The following LRRC4C variants were observed in gnomAD, a reference collection of about 807,000 sequenced individuals.
LRRC4C encodes leucine rich repeat containing 4C.
Under a neutral mutation model 33.6 loss-of-function variants are expected in LRRC4C, and 5 were observed. That is an observed-to-expected ratio of 0.15 (90% CI 0.08 to 0.31). LRRC4C has a LOEUF of 0.31. Among genes scored for constraint, LRRC4C ranks in the 10% least tolerant of loss-of-function variants. The pLI is 1.00. For synonymous variants in LRRC4C, 329 were observed against 302.0 expected (o/e 1.09, Z -0.93); for missense variants, 560 against 796.7 (o/e 0.70, Z 3.58).
intron 1 of LRRC4C, among the ~76,000 whole-genome samples, chr11:41,150,807 A>G (rs1031229959): frequency 6.6e-6 from 1 of 151,138 alleles, no homozygotes. Flanking sequence ...AAAATAAAAT[A>G]AAATAAAATA....
chr11:40,166,584 T>G (rs1249778057), intron 5 of LRRC4C, among the ~76,000 whole-genome samples: 1 of 152,124 alleles, frequency 6.6e-6, no homozygotes, highest in Non-Finnish European at 1.5e-5. Context: ...TATTAGAATA[T>G]TTCACATAAA....
intron 1 of LRRC4C, among the ~76,000 whole-genome samples, chr11:41,196,434 C>T (rs966776173): frequency 1.3e-5 from 2 of 152,052 alleles, no homozygotes; most frequent in African/African-American, 4.8e-5. Flanking sequence ...CATAAACTTA[C>T]ACAGTGATGA....
intron 4 of LRRC4C, among the ~76,000 whole-genome samples, chr11:40,248,972 T>G (rs1393380028): frequency 6.6e-6 from 1 of 152,168 alleles, no homozygotes; most frequent in Non-Finnish European, 1.5e-5. Context: ...TTTTTCATCC[T>G]AAGAGTACCT....
At chr11:40,223,837 T>A (rs1351505116) in intron 5 of LRRC4C, among the ~76,000 whole-genome samples, 1 of 152,262 alleles carries the variant, frequency 6.6e-6, no homozygotes, top group African/African-American at 2.4e-5. Flanking sequence ...GCAGAACTAA[T>A]TATTTTTAAA....
intron 2 of LRRC4C, among the ~76,000 whole-genome samples, chr11:40,744,633 A>C (rs1431060560): frequency 6.6e-6 from 1 of 152,148 alleles, no homozygotes; most frequent in Non-Finnish European, 1.5e-5. Context: ...ACCCTCAAAA[A>C]TGTTTCTGGG....
chr11:41,104,425 C>A (rs1021949820), intron 1 of LRRC4C, among the ~76,000 whole-genome samples: 8 of 151,772 alleles, frequency 5.3e-5, no homozygotes, highest in Non-Finnish European at 1.0e-4. Flanking sequence ...AAAATTTATA[C>A]CTACTAAGAA....
At chr11:41,139,599 C>T (rs1943414574) in intron 1 of LRRC4C, among the ~76,000 whole-genome samples, 1 of 152,140 alleles carries the variant, frequency 6.6e-6, no homozygotes, top group Admixed American at 6.6e-5. Flanking sequence ...TATCCAAGCA[C>T]CAAAAAGTCC....
intron 1 of LRRC4C, among the ~76,000 whole-genome samples, chr11:41,277,162 ATAAAT>A (rs1013294084): frequency 3.3e-5 from 5 of 152,182 alleles, no homozygotes; most frequent in Admixed American, 6.6e-5. Context: ...GGATGTTTAA[ATAAAT>A]TAGGCAGCAT....
intron 1 of LRRC4C, among the ~76,000 whole-genome samples, chr11:41,254,901 C>A (rs1022976420): frequency 1.3e-5 from 2 of 152,042 alleles, no homozygotes; most frequent in African/African-American, 4.8e-5. Context: ...TATCAAGCAA[C>A]TGATTCCATC....
At chr11:40,557,901 A>C (rs1223611049) in intron 3 of LRRC4C, among the ~76,000 whole-genome samples, 1 of 152,148 alleles carries the variant, frequency 6.6e-6, no homozygotes, top group African/African-American at 2.4e-5. Flanking sequence ...ATTATTGAGG[A>C]GATTAATGAG....
intron 2 of LRRC4C, among the ~76,000 whole-genome samples, chr11:40,903,870 C>T (rs1956307608): frequency 6.6e-6 from 1 of 152,076 alleles, no homozygotes; most frequent in Admixed American, 6.6e-5. Flanking sequence ...CTATGCATTA[C>T]ATGCCTGTAT....
intron 2 of LRRC4C, among the ~76,000 whole-genome samples, chr11:40,800,807 T>C (rs759781942): frequency 6.6e-6 from 1 of 152,194 alleles, no homozygotes; most frequent in Non-Finnish European, 1.5e-5. Context: ...GATACTTTCA[T>C]TGATGTCCTA....
At chr11:40,433,853 A>G (rs1421344199) in intron 3 of LRRC4C, among the ~76,000 whole-genome samples, 2 of 152,190 alleles carry the variant, frequency 1.3e-5, no homozygotes, top group African/African-American at 4.8e-5. Context: ...AGAAGAAAGC[A>G]TTTAAAGTAG....
intron 2 of LRRC4C, among the ~76,000 whole-genome samples, chr11:40,735,108 C>T (rs972234314): frequency 1.3e-5 from 2 of 152,050 alleles, no homozygotes; most frequent in South Asian, 2.1e-4. Context: ...AGGCATTTGG[C>T]CTTGTACCTA....
intron 1 of LRRC4C, among the ~76,000 whole-genome samples, chr11:41,055,440 T>C (rs1302185552): frequency 3.9e-5 from 6 of 152,186 alleles, no homozygotes; most frequent in South Asian, 4.1e-4. Context: ...TATACTCTTA[T>C]AAGCATACAG....
Position 40,960,600 on chromosome 11 carries a change from T to G in LRRC4C, c.-495-26877A>C, listed in dbSNP as rs78845836. Among the ~76,000 whole-genome samples the G allele has an allele frequency of 7.0e-3, 1,062 of 151,840 alleles. 20 individuals are homozygous for G. The highest frequency in any genetic ancestry group is 0.025 in the African/African-American group (1,023 of 41,494). On this transcript the variant is annotated intron_variant, in intron 1 of 6. Transcript: ENST00000528697. ...TACTGGAAATTAAGTTTTATACTTC[T>G]GGCAAATATGCCTGCTAGACTATGT...
chr11:40,812,623 G>T (rs1951537757), intron 2 of LRRC4C, among the ~76,000 whole-genome samples: 2 of 151,962 alleles, frequency 1.3e-5, no homozygotes, highest in Non-Finnish European at 2.9e-5. Flanking sequence ...AAAGATATTT[G>T]CCCTAAGCTC....
intron 1 of LRRC4C, among the ~76,000 whole-genome samples, chr11:41,162,001 GA>G (rs1944493424): frequency 6.6e-6 from 1 of 152,142 alleles, no homozygotes; most frequent in African/African-American, 2.4e-5. Flanking sequence ...ATTTCTATAG[GA>G]TTGGAATTAA....
intron 3 of LRRC4C, among the ~76,000 whole-genome samples, chr11:40,487,839 GATTT>G (rs1290537415): frequency 6.6e-6 from 1 of 151,978 alleles, no homozygotes; most frequent in Non-Finnish European, 1.5e-5. Flanking sequence ...GATTTATCTT[GATTT>G]ATGTGACAAC....
Sources: allele counts gnomAD v4.1 joint callset (sites outside exome capture counted in the v4.1 genomes callset), GRCh38; gene constraint gnomAD v4.1.1; transcripts MANE v1.5; gene names NCBI Gene and HGNC (gene_info 2026-07-23, HGNC 2026-07-21).